Variants in CD101 observed in about 807,000 individuals in gnomAD.
CD101 encodes CD101 molecule.
Under a neutral mutation model 98.2 loss-of-function variants are expected in CD101, and 76 were observed. The observed-to-expected ratio is 0.77, with a 90% CI of 0.64 to 0.94. The LOEUF (loss-of-function observed/expected upper bound fraction) is 0.94. CD101 is among the 40% of genes least tolerant of loss of function. The pLI is 0.00. For synonymous variants in CD101, 471 were observed against 472.7 expected (o/e 1.00, Z 0.05); for missense variants, 1,145 against 1,218.8 (o/e 0.94, Z 0.90).
At chr1:117,026,064 C>G (rs890510896) in intron 8 of CD101, 160 bp downstream of exon 8, 1 of 695,430 alleles carries the variant, frequency 1.4e-6, no homozygotes, top group African/African-American at 1.8e-5. Context: ...CTGTCTCTCT[C>G]AATAGTAACT....
chr1:117,033,620 A>C lies in CD101; in HGVS notation c.2825-240A>C, dbSNP rs551492550. Among the ~76,000 whole-genome samples the C allele has an allele frequency of 6.6e-6, 1 of 152,162 alleles. No individual in the cohort carries two copies. Among genetic ancestry groups the C allele is most frequent in the East Asian group, 1.9e-4 (1 of 5,168 alleles). On this transcript the variant is annotated intron_variant, in intron 8 of 9. Coordinates refer to ENST00000682167, the MANE Select transcript of CD101 (RefSeq NM_001256106.3). The surrounding 1 kb of genome is among the most constrained non-coding windows in gnomAD (Gnocchi z 4.8). ...CTGTTAGTTTTAAGTAGGTCATTGG[A>C]ACCTCCAGTGGTTGGAAATCGCAGG... is the stretch of plus-strand genomic sequence containing the variant.
rs3220776 is a variant in CD101, at chr1:117,014,185, TTGTGTGTGTG to T, written c.1228+428_1228+437del. Reference sequence around the variant, plus strand: ...TGTGTATTAATGAAGCCCTCTGCCTTTGTGTGTGTGTGTGTGTGTGTGTGTGTGTGTGTGT... The same window carrying T: ...TGTGTATTAATGAAGCCCTCTGCCTTTGTGTGTGTGTGTGTGTGTGTGTGT... On this transcript the variant is annotated intron_variant, in intron 4 of 9. Coordinates refer to ENST00000682167, the MANE Select transcript of CD101 (RefSeq NM_001256106.3). Among the ~76,000 whole-genome samples the T allele has an allele frequency of 6.3e-3, 893 of 141,158 alleles. 5 individuals are homozygous for T. Among genetic ancestry groups the T allele is most frequent in the Middle Eastern group, 0.039 (11 of 284 alleles). The allele number at this position is 141,158 out of a possible 152,430, so 92.6% of individuals were successfully genotyped here. A position where few individuals can be genotyped will look rare whatever the true frequency, so the allele number is the denominator to read the frequency against.
intron 7 of CD101, among the ~76,000 whole-genome samples, chr1:117,024,133 TAAGA>T (rs936556189): frequency 6.6e-6 from 1 of 152,162 alleles, no homozygotes; most frequent in African/African-American, 2.4e-5. Context: ...AAATGGTAAC[TAAGA>T]AAGAGTCCAA....
chr1:117,004,304 A>G lies in CD101; in HGVS notation c.43+2444A>G, dbSNP rs1652409397. Among the ~76,000 whole-genome samples, 1 of 152,220 alleles carries G rather than the reference A, an allele frequency of 6.6e-6. No individual in the cohort carries two copies. Among genetic ancestry groups the G allele is most frequent in the African/African-American group, 2.4e-5 (1 of 41,458 alleles). On this transcript the variant is annotated intron_variant, in intron 1 of 9. Coordinates refer to ENST00000682167, the MANE Select transcript of CD101 (RefSeq NM_001256106.3). The surrounding 1 kb of genome is among the most constrained non-coding windows in gnomAD (Gnocchi z 4.1). ...AAAGAAGCTGCTTGTTATGTTGGCTATTCCTGAGGTAGGTTTTGTATAAGG... is the reference window on the plus strand; with the variant it reads ...AAAGAAGCTGCTTGTTATGTTGGCTGTTCCTGAGGTAGGTTTTGTATAAGG...
In CD101 at chr1:117,021,694, G is replaced by GC; in HGVS notation, c.2139_2140insC (p.Tyr714LeufsTer8). On this transcript the variant is annotated frameshift_variant, in exon 7 of 10. Coordinates refer to ENST00000682167, the MANE Select transcript of CD101 (RefSeq NM_001256106.3). LOFTEE classifies it high-confidence loss of function. This position sits in a 1 kb window ranked among gnomAD's most constrained non-coding sequence, Gnocchi z 4.7. The stretch of plus-strand genomic sequence containing the variant: ...GAAACCTTCAGTTAGCCATTATTTG[G>GC]TATTTTTCTCCTGTTTCCACTAATG... 1.2e-6 allele frequency: 2 copies of GC among 1,614,094 alleles called. No homozygotes were observed. The highest frequency in any genetic ancestry group is 1.7e-6 in the Non-Finnish European group (2 of 1,180,014).
rs1465067337 is a variant in CD101, at chr1:117,012,531, C to A, written c.841+565C>A. On this transcript the variant is annotated intron_variant, in intron 3 of 9. Coordinates refer to ENST00000682167, the MANE Select transcript of CD101 (RefSeq NM_001256106.3). This position sits in a 1 kb window ranked among gnomAD's most constrained non-coding sequence, Gnocchi z 4.0. ...GGGTTTCCTTCCACCTGCCCCCTTT[C>A]CCAACTTGGAATGCAGTGACTTTGC... is the stretch of plus-strand genomic sequence containing the variant. 6.6e-6 allele frequency among the ~76,000 whole-genome samples: 1 copy of A among 152,212 alleles called. No homozygotes were observed. Among genetic ancestry groups the A allele is most frequent in the Non-Finnish European group, 1.5e-5 (1 of 68,048 alleles).
rs1270034930 is a variant in CD101, at chr1:117,025,633, C to G, written c.2553C>G (p.Tyr851Ter). 6.2e-7 allele frequency: 1 copy of G among 1,614,132 alleles called. No homozygotes were observed. Among genetic ancestry groups the G allele is most frequent in the Non-Finnish European group, 8.5e-7 (1 of 1,180,030 alleles). The stretch of plus-strand genomic sequence containing the variant: ...CCACTCTGTACTCTGTGATGTGGTA[C>G]TGGAACAGAGAAAACTCTGGAAGTA... ...SSATLYSVMWYWNRENSGSKL... is the reference protein window; with the variant it reads ...SSATLYSVMW The change falls in exon 8 of 10, where the codon TAC becomes TAG. Residue 851 changes from tyrosine (Y) to a stop codon, truncating the protein, a stop_gained. Coordinates refer to ENST00000682167, the MANE Select transcript of CD101 (RefSeq NM_001256106.3). LOFTEE classifies it high-confidence loss of function.
chr1:117,021,138 C>T lies in CD101; in HGVS notation c.2018-435C>T, dbSNP rs1286634706. Among the ~76,000 whole-genome samples the T allele has an allele frequency of 2.6e-5, 4 of 152,196 alleles. No homozygotes were observed. The highest frequency in any genetic ancestry group is 5.9e-5 in the Non-Finnish European group (4 of 68,038). On this transcript the variant is annotated intron_variant, in intron 6 of 9. Coordinates refer to ENST00000682167, the MANE Select transcript of CD101 (RefSeq NM_001256106.3). The surrounding 1 kb of genome is among the most constrained non-coding windows in gnomAD (Gnocchi z 4.7). ...GTACTCTGCATAGTAAACACACAAA[C>T]ACAGCATTAATAGGGCCACTTTCTC...
At position 117,013,454 on chromosome 1, in the gene CD101, G is replaced by GGAAA. The variant is rs1557768154; in HGVS notation, c.891_894dup (p.Pro299GlufsTer15). ...ACAGCTGACAGCTTGTTTGCTGAAG[G>GGAAA]GAAACCCTTAGAACTGGTTTGCCTG... On this transcript the variant is annotated frameshift_variant, in exon 4 of 10. Coordinates refer to ENST00000682167, the MANE Select transcript of CD101 (RefSeq NM_001256106.3). LOFTEE classifies it high-confidence loss of function. 6.8e-6 allele frequency: 11 copies of GGAAA among 1,612,764 alleles called. No individual in the cohort carries two copies. Among genetic ancestry groups the GGAAA allele is most frequent in the Non-Finnish European group, 9.3e-6 (11 of 1,179,372 alleles).
At position 117,009,879 on chromosome 1, in the gene CD101, A is replaced by G. The variant is rs1652775882; in HGVS notation, c.73A>G (p.Thr25Ala). The G allele has an allele frequency of 1.2e-6, 2 of 1,607,446 alleles. No individual in the cohort carries two copies. The highest frequency in any genetic ancestry group is 1.1e-5 in the South Asian group (1 of 90,974). Reference sequence around the variant, plus strand: ...GCTCAGCATTGGCCAGAGAGAAGTAACAGTTCAGAAAGGACCACTGTTTAG... The same window carrying G: ...GCTCAGCATTGGCCAGAGAGAAGTAGCAGTTCAGAAAGGACCACTGTTTAG... ...TKLSIGQREV[T>A]VQKGPLFRAE... Residue 25 changes from threonine (T) to alanine (A), a missense_variant, in exon 2 of 10, where the codon ACA (threonine) becomes GCA (alanine). Physicochemically the swap from Thr to Ala is moderately conservative, Grantham distance 58 (BLOSUM62 0). Transcript: ENST00000682167.
At chr1:117,025,316 T>A (rs1355942537) in intron 7 of CD101, among the ~76,000 whole-genome samples, 193 bp from the exon 8 acceptor site, 1 of 152,122 alleles carries the variant, frequency 6.6e-6, no homozygotes, top group South Asian at 2.1e-4. Context: ...TGAGCTGAGA[T>A]CATGCCACTG....
chr1:117,033,859 G>GAGCCC lies in CD101; in HGVS notation c.2826_2830dup (p.Thr944SerfsTer60). On this transcript the variant is annotated frameshift_variant and splice_region_variant. Transcript: ENST00000682167. LOFTEE classifies it high-confidence loss of function. The surrounding 1 kb of genome is among the most constrained non-coding windows in gnomAD (Gnocchi z 4.8). The stretch of plus-strand genomic sequence containing the variant: ...CTCTCTTGTTTCTCCCTTCGTTGCA[G>GAGCCC]AGCCCACGCTTCCTTCCAGGATCTG... 2 of 1,614,110 alleles carry GAGCCC rather than the reference G, an allele frequency of 1.2e-6. No individual in the cohort carries two copies. Among genetic ancestry groups the GAGCCC allele is most frequent in the Non-Finnish European group, 1.7e-6 (2 of 1,179,998 alleles).
intron 8 of CD101, among the ~76,000 whole-genome samples, chr1:117,030,730 C>G (rs982881625): frequency 6.6e-6 from 1 of 152,240 alleles, no homozygotes; most frequent in African/African-American, 2.4e-5. Context: ...CACTTGTTAT[C>G]AGGTTACCTT....
rs558928499 is a variant in CD101, at chr1:117,036,324, T to G, written c.*190T>G. The stretch of plus-strand genomic sequence containing the variant: ...GAAGTCACTACCCCAGGGGGAGCTA[T>G]AGCTTCATGACCGTAACATGTGACC... On this transcript the variant is annotated 3_prime_UTR_variant, in exon 10 of 10. Transcript: ENST00000682167. This position sits in a 1 kb window ranked among gnomAD's most constrained non-coding sequence, Gnocchi z 5.0. The G allele has an allele frequency of 6.6e-6, 1 of 152,324 alleles. No individual in the cohort carries two copies. The highest frequency in any genetic ancestry group is 2.4e-5 in the African/African-American group (1 of 41,538). 9.4% of individuals were successfully genotyped at this position (152,324 alleles called of 1,614,324 possible). A position where few individuals can be genotyped will look rare whatever the true frequency, so the allele number is the denominator to read the frequency against.
At position 117,036,357 on chromosome 1, in the gene CD101, T is replaced by G. The variant is rs1654829408; in HGVS notation, c.*223T>G. 6.6e-6 allele frequency: 1 copy of G among 152,310 alleles called. No individual in the cohort carries two copies. The highest frequency in any genetic ancestry group is 2.4e-5 in the African/African-American group (1 of 41,430). 9.4% of individuals were successfully genotyped at this position (152,310 alleles called of 1,614,324 possible). On this transcript the variant is annotated 3_prime_UTR_variant, in exon 10 of 10. Transcript: ENST00000682167. The surrounding 1 kb of genome is among the most constrained non-coding windows in gnomAD (Gnocchi z 5.0). ...TGACCGTAACATGTGACCTGTGTGC[T>G]GGCAGGACGACTCACTGCGGCTGCG... is the stretch of plus-strand genomic sequence containing the variant.
chr1:117,018,424 C>T lies in CD101; in HGVS notation c.1881C>T (p.Val627=), dbSNP rs780946166. The stretch of plus-strand genomic sequence containing the variant: ...CTTTATTTCGTTCACAACTCCTAGT[C>T]CATGATGCCACTGAGGAAGAGACAG... The part of the protein sequence containing the change: ...SQSLFRSQLL[V]HDATEEETGV... Residue 627 remains valine, a synonymous_variant, in exon 6 of 10, where the codon GTC becomes GTT. Coordinates refer to ENST00000682167, the MANE Select transcript of CD101 (RefSeq NM_001256106.3). This position sits in a 1 kb window ranked among gnomAD's most constrained non-coding sequence, Gnocchi z 4.3. 9.9e-6 allele frequency: 16 copies of T among 1,614,166 alleles called. No homozygotes were observed. The highest frequency in any genetic ancestry group is 8.8e-5 in the South Asian group (8 of 91,080).
intron 1 of CD101, 29 bp downstream of exon 1, chr1:117,001,889 T>G (rs1363033342): frequency 6.2e-7 from 1 of 1,611,332 alleles, no homozygotes; most frequent in East Asian, 2.2e-5. Context: ...TATGTTTCTC[T>G]TGTCACAGGA....
At position 117,013,439 on chromosome 1, in the gene CD101, G is replaced by A. The variant is rs763711001; in HGVS notation, c.875G>A (p.Ser292Asn). 4 of 1,611,372 alleles carry A rather than the reference G, an allele frequency of 2.5e-6. No individual in the cohort carries two copies. In the African/African-American group the frequency reaches 5.3e-5, roughly 22 times the overall value. ...TTTCAAGTCAACATTACAGCTGACA[G>A]CTTGTTTGCTGAAGGGAAACCCTTA... is the stretch of plus-strand genomic sequence containing the variant. ...KDFQVNITAD[S>N]LFAEGKPLEL... The change falls in exon 4 of 10, where the codon AGC becomes AAC. Residue 292 changes from serine to asparagine, a missense_variant. Ser to Asn is a conservative substitution (Grantham distance 46, BLOSUM62 1). Coordinates refer to ENST00000682167, the MANE Select transcript of CD101 (RefSeq NM_001256106.3).
chr1:117,033,820 T>G lies in CD101; in HGVS notation c.2825-40T>G. ...TTTGTAATTGACTAGTACAAATAAG[T>G]TGGAGATGAATTACTCTCTTGTTTC... On this transcript the variant is annotated intron_variant, in intron 8 of 9. Coordinates refer to ENST00000682167, the MANE Select transcript of CD101 (RefSeq NM_001256106.3). The surrounding 1 kb of genome is among the most constrained non-coding windows in gnomAD (Gnocchi z 4.8). 1 of 1,612,362 alleles carries G rather than the reference T, an allele frequency of 6.2e-7. No homozygotes were observed.
Sources: gnomAD v4.1 joint callset for allele counts (sites outside exome capture counted in the v4.1 genomes callset) on GRCh38, gnomAD v4.1.1 for gene constraint, Gnocchi (gnomAD v3.1) non-coding constraint, MANE v1.5 for transcripts, NCBI Gene and HGNC (gene_info 2026-07-23, HGNC 2026-07-21) for gene names.